The following COL5A1 variants were observed in gnomAD, a reference collection of about 807,000 sequenced individuals.
COL5A1 encodes the protein collagen type V alpha 1 chain, also known as collagen alpha-1(V) chain.
Under a neutral mutation model 263.7 loss-of-function variants are expected in COL5A1, and 16 were observed. That is an observed-to-expected ratio of 0.06 (90% CI 0.04 to 0.09). The LOEUF is 0.09. Ranked by LOEUF, COL5A1 falls within the 10% of genes least tolerant of loss-of-function variation. The pLI is 1.00. For missense variants in COL5A1, 2,036 were observed against 2,540.5 expected (o/e 0.80, Z 4.27); for synonymous variants, 1,012 against 1,004.5 (o/e 1.01, Z -0.14).
intron 4 of COL5A1, among the ~76,000 whole-genome samples, chr9:134,704,236 T>G (rs1833768510): frequency 6.6e-6 from 1 of 152,032 alleles, no homozygotes; most frequent in Non-Finnish European, 1.5e-5. Flanking sequence ...CGGTGAGTTG[T>G]CTGACCGCTC....
At chr9:134,663,817 A>G (rs879581540) in intron 1 of COL5A1, among the ~76,000 whole-genome samples, 1 of 152,212 alleles carries the variant, frequency 6.6e-6, no homozygotes, top group Non-Finnish European at 1.5e-5. Flanking sequence ...TCAAAAGTCT[A>G]ATTTAAAGTG....
intron 28 of COL5A1, among the ~76,000 whole-genome samples, chr9:134,782,001 C>T (rs1302780959): frequency 6.6e-6 from 1 of 152,244 alleles, no homozygotes; most frequent in African/African-American, 2.4e-5. Flanking sequence ...CTGGGAGCCA[C>T]CCGTGCCCTC....
intron 4 of COL5A1, among the ~76,000 whole-genome samples, chr9:134,714,522 G>T: frequency 7.1e-6 from 1 of 140,352 alleles, no homozygotes; most frequent in Non-Finnish European, 1.5e-5. Flanking sequence ...TGGTGAAGGT[G>T]GTGATGCTGA....
chr9:134,812,689 A>T lies in COL5A1; in HGVS notation c.3829A>T (p.Asn1277Tyr), dbSNP rs530630749. 1.3e-6 allele frequency: 2 copies of T among 1,585,808 alleles called. No homozygotes were observed. The highest frequency in any genetic ancestry group is 2.7e-5 in the African/African-American group (2 of 74,762). The change falls in exon 48 of 66, where the codon AAC becomes TAC. Residue 1277 changes from asparagine (N) to tyrosine (Y), a missense_variant. Asn to Tyr is a moderately radical substitution (Grantham distance 143). Transcript: ENST00000371817. ...ACAAGGTCCCCCAGGTGGAATAGGA[A>T]ACCCTGGTGCAGTGGGAGAGAAGGT... ...GPQGPPGGIG[N>Y]PGAVGEKGEP...
chr9:134,731,651 C>T lies in COL5A1; in HGVS notation c.1320C>T (p.Thr440=). The T allele has an allele frequency of 6.2e-7, 1 of 1,613,522 alleles. No homozygotes were observed. The highest frequency in any genetic ancestry group is 8.5e-7 in the Non-Finnish European group (1 of 1,179,850). Residue 440 remains threonine (T), a synonymous_variant, in exon 8 of 66, where the codon ACC becomes ACT. Coordinates refer to ENST00000371817, the MANE Select transcript of COL5A1 (RefSeq NM_000093.5). ...CGGGAATGCCGGCGAACCAGGATAC[C>T]ATCTATGAAGGGGTGAGAGGGTGCA... ...IGPGMPANQD[T]IYEGIGGPRG... is the part of the protein sequence containing the mutation.
At chr9:134,702,274 GA>G (rs1243709941) in intron 4 of COL5A1, among the ~76,000 whole-genome samples, 1 of 152,194 alleles carries the variant, frequency 6.6e-6, no homozygotes, top group African/African-American at 2.4e-5. Flanking sequence ...AAACCTGTTC[GA>G]AAGCCACTGG....
rs1171912065 is a variant in COL5A1 at position 134,765,643 on chromosome 9, G to T, written c.2035-38G>T. The T allele has an allele frequency of 1.3e-6, 2 of 1,592,956 alleles. No individual in the cohort carries two copies. The highest frequency in any genetic ancestry group is 1.7e-5 in the Admixed American group (1 of 59,948). On this transcript the variant is annotated intron_variant, in intron 20 of 65. Coordinates refer to ENST00000371817, the MANE Select transcript of COL5A1 (RefSeq NM_000093.5). The surrounding 1 kb of genome is among the most constrained non-coding windows in gnomAD (Gnocchi z 5.1). Reference sequence around the variant, plus strand: ...GACAGAGAGGAGGGCTGGGATTTCTGCCCGAGTTTAAATCCTATTTTCCCT... The same window carrying T: ...GACAGAGAGGAGGGCTGGGATTTCTTCCCGAGTTTAAATCCTATTTTCCCT...
At chr9:134,724,440 G>A (rs1834574596) in intron 4 of COL5A1, among the ~76,000 whole-genome samples, 1 of 152,240 alleles carries the variant, frequency 6.6e-6, no homozygotes, top group African/African-American at 2.4e-5. Context: ...GCAGCACAGA[G>A]CTTACTGCTT....
Position 134,758,187 on chromosome 9 carries a change from G to A in COL5A1, c.1882-56G>A, listed in dbSNP as rs77607202. On this transcript the variant is annotated intron_variant, in intron 17 of 65. Transcript: ENST00000371817. This position sits in a 1 kb window ranked among gnomAD's most constrained non-coding sequence, Gnocchi z 4.1. The stretch of plus-strand genomic sequence containing the variant: ...GCCATCACTTGGTGGACACCAAGGC[G>A]GGGTGTCCACGTGTGCAGGGTGGCG... 78,172 of 1,577,082 alleles carry A rather than the reference G, an allele frequency of 0.05. 2,240 individuals are homozygous for A. Among genetic ancestry groups the A allele is most frequent in the Non-Finnish European group, 0.056 (63,672 of 1,147,002 alleles).
chr9:134,723,131 C>G (rs1192472543), intron 4 of COL5A1, among the ~76,000 whole-genome samples: 1 of 152,162 alleles, frequency 6.6e-6, no homozygotes, highest in Non-Finnish European at 1.5e-5. Context: ...CACCCAGTGC[C>G]CTCCTCAGCC....
intron 53 of COL5A1, 65 bp downstream of exon 53, chr9:134,817,144 C>A: frequency 1.4e-6 from 2 of 1,466,510 alleles, no homozygotes; most frequent in Non-Finnish European, 1.9e-6. Context: ...CGCCCCTCCC[C>A]GTCACCTTTG....
At chr9:134,790,481 TCCACCCATCCACCCAC>T (rs1837641847) in intron 32 of COL5A1, among the ~76,000 whole-genome samples, 2 of 69,854 alleles carry the variant, frequency 2.9e-5, no homozygotes, top group Non-Finnish European at 5.1e-5. Context: ...CACCCACCCA[TCCACCCATCCACCCAC>T]CCACCCACCC....
intron 49 of COL5A1, 142 bp downstream of exon 49, chr9:134,814,178 G>A (rs1195149036): frequency 2.4e-6 from 2 of 817,716 alleles, no homozygotes; most frequent in African/African-American, 1.7e-5. Flanking sequence ...CCATTTCATG[G>A]AATGACCGTG....
intron 4 of COL5A1, among the ~76,000 whole-genome samples, chr9:134,720,889 C>T (rs1315696340): frequency 1.3e-5 from 2 of 152,144 alleles, no homozygotes; most frequent in East Asian, 1.9e-4. Context: ...GAAGGAGGGG[C>T]GTCCCCGCAT....
intron 4 of COL5A1, among the ~76,000 whole-genome samples, chr9:134,702,420 C>T (rs988947313): frequency 1.2e-4 from 18 of 151,960 alleles, no homozygotes; most frequent in African/African-American, 3.4e-4. Context: ...GTCTACACAT[C>T]GGTTCTGCAT....
intron 1 of COL5A1, among the ~76,000 whole-genome samples, chr9:134,658,827 C>T (rs1168869732): frequency 6.6e-6 from 1 of 152,206 alleles, no homozygotes; most frequent in Non-Finnish European, 1.5e-5. Context: ...TCCTGGCCCT[C>T]TTCAAGGTCT....
chr9:134,764,497 ACTC>A (rs1260257118), intron 20 of COL5A1, among the ~76,000 whole-genome samples: 3 of 151,988 alleles, frequency 2.0e-5, no homozygotes, highest in African/African-American at 7.2e-5. Flanking sequence ...CCTCCAGCAG[ACTC>A]TGCCCCAGCC....
intron 1 of COL5A1, among the ~76,000 whole-genome samples, chr9:134,671,985 G>T (rs1337616693): frequency 6.6e-6 from 1 of 152,158 alleles, no homozygotes; most frequent in Non-Finnish European, 1.5e-5. Context: ...CACTTGGTGT[G>T]GGGGGGCCCA....
In COL5A1 at chr9:134,678,886, T is replaced by G. The variant is rs554881365; in HGVS notation, c.110-12026T>G. On this transcript the variant is annotated intron_variant, in intron 1 of 65. Transcript: ENST00000371817. This position sits in a 1 kb window ranked among gnomAD's most constrained non-coding sequence, Gnocchi z 5.5. ...GAAGAGGGAGCAGGGATCAGGCTGG[T>G]TGGTGTTACCCCCTGCTGGGGGGCA... Among the ~76,000 whole-genome samples the G allele has an allele frequency of 5.9e-5, 9 of 152,304 alleles. No individual in the cohort carries two copies. The highest frequency in any genetic ancestry group is 2.2e-4 in the African/African-American group (9 of 41,578).
Sources: gnomAD v4.1 joint callset for allele counts (sites outside exome capture counted in the v4.1 genomes callset) on GRCh38, gnomAD v4.1.1 for gene constraint, Gnocchi (gnomAD v3.1) non-coding constraint, MANE v1.5 for transcripts, NCBI Gene and HGNC (gene_info 2026-07-23, HGNC 2026-07-21) for gene names.